Variants in ABHD1 observed in about 807,000 individuals in gnomAD.
ABHD1 encodes protein ABHD1.
ABHD1 carries 47 observed loss-of-function variants against 41.4 expected under a neutral mutation model. That is an observed-to-expected ratio of 1.13 (90% CI 0.90 to 1.45). The LOEUF is 1.45. Ranked by LOEUF, ABHD1 falls within the 40% of genes most tolerant of loss-of-function variation. ABHD1 has a pLI of 0.00. For missense variants in ABHD1, 550 were observed against 503.4 expected, an observed-to-expected ratio of 1.09 and a Z score of -0.89; for synonymous variants, 205 against 203.7, an observed-to-expected ratio of 1.01 and a Z score of -0.05.
intron 3 of ABHD1, 73 bp from the exon 4 acceptor site, chr2:27,129,243 G>T: frequency 1.2e-6 from 2 of 1,604,030 alleles, no homozygotes; most frequent in Non-Finnish European, 1.7e-6. Context: ...CTTTGGACAG[G>T]GGTCTTTCTG....
intron 1 of ABHD1, chr2:27,126,808 A>G (rs1671974288): frequency 6.6e-6 from 1 of 152,242 alleles, no homozygotes; most frequent in South Asian, 2.1e-4. Context: ...CCCGGTAGAA[A>G]GAAGCCCCTT....
At position 27,130,795 on chromosome 2, in the gene ABHD1, T is replaced by C. The variant is rs745623465; in HGVS notation, c.*51T>C. On this transcript the variant is annotated 3_prime_UTR_variant, in exon 9 of 9. Transcript: ENST00000316470. ...TCACTCTTTCCTTGTTTATTAAATA[T>C]CAACTTTTCCTGCCTAATGGGCTGA... is the stretch of plus-strand genomic sequence containing the variant. 9.5e-6 allele frequency: 15 copies of C among 1,582,744 alleles called. No homozygotes were observed. The highest frequency in any genetic ancestry group is 1.3e-5 in the Non-Finnish European group (15 of 1,153,762).
intron 1 of ABHD1, 157 bp downstream of exon 1, chr2:27,124,219 C>T (rs1420767422): frequency 1.4e-6 from 1 of 730,980 alleles, no homozygotes; most frequent in Non-Finnish European, 2.4e-6. Context: ...CTCTCTAGTG[C>T]CTCTGCATCC....
Position 27,123,889 on chromosome 2 carries a change from G to A in ABHD1, c.-60G>A. ...TGGCGGGCGGCGGGTGGGACCGCGA[G>A]TTACAGCCGGCCAACTGGGGCCAGC... is the stretch of plus-strand genomic sequence containing the variant. On this transcript the variant is annotated 5_prime_UTR_variant, in exon 1 of 9. Coordinates refer to ENST00000316470, the MANE Select transcript of ABHD1 (RefSeq NM_032604.4). The A allele has an allele frequency of 6.9e-7, 1 of 1,458,262 alleles. No individual in the cohort carries two copies. Among genetic ancestry groups the A allele is most frequent in the Admixed American group, 1.8e-5 (1 of 56,046 alleles). 90.3% of individuals were successfully genotyped at this position (1,458,262 alleles called of 1,614,324 possible). A position where few individuals can be genotyped will look rare whatever the true frequency, so the allele number is the denominator to read the frequency against.
chr2:27,130,240 A>G lies in ABHD1; in HGVS notation c.841-11A>G. 1 of 1,614,196 alleles carries G rather than the reference A, an allele frequency of 6.2e-7. No homozygotes were observed. Among genetic ancestry groups the G allele is most frequent in the Admixed American group, 1.7e-5 (1 of 60,016 alleles). On this transcript the variant is annotated splice_polypyrimidine_tract_variant and intron_variant, in intron 7 of 8. Transcript: ENST00000316470. ...TTATCATCTTAGCCTATCCTATGGT[A>G]AGACCTGCAGGCCCGTACAATCCGC...
chr2:27,128,108 G>A (rs554181985), intron 1 of ABHD1, among the ~76,000 whole-genome samples: 4 of 152,240 alleles, frequency 2.6e-5, no homozygotes, highest in Non-Finnish European at 4.4e-5. Flanking sequence ...ACCACTGAGC[G>A]TGGCTGTTTA....
chr2:27,130,015 G>C, intron 6 of ABHD1, 88 bp downstream of exon 6: 1 of 1,610,342 alleles, frequency 6.2e-7, no homozygotes, highest in Non-Finnish European at 8.5e-7. Context: ...AGTTCTCTCT[G>C]GGCTTCCTCA....
rs781386040 is a variant in ABHD1, at chr2:27,130,325, C to G, written c.915C>G (p.Tyr305Ter). 32 of 1,614,066 alleles carry G rather than the reference C, an allele frequency of 2.0e-5. No homozygotes were observed. The highest frequency in any genetic ancestry group is 1.6e-4 in the Middle Eastern group (1 of 6,084). ...AFGYQDCVTY[Y>*]KAASPRTKID... ...GATATCAAGACTGTGTTACCTACTACAAAGCAGCAAGCCCTAGAACCAAGA... is the reference window on the plus strand; with the variant it reads ...GATATCAAGACTGTGTTACCTACTAGAAAGCAGCAAGCCCTAGAACCAAGA... The change falls in exon 8 of 9, where the codon TAC becomes TAG. Residue 305 changes from tyrosine to a stop codon, truncating the protein, a stop_gained. Transcript: ENST00000316470. LOFTEE classifies it high-confidence loss of function.
At chr2:27,127,209 C>G (rs1035204699) in intron 1 of ABHD1, among the ~76,000 whole-genome samples, 4 of 134,798 alleles carry the variant, frequency 3.0e-5, no homozygotes, top group Admixed American at 2.3e-4. Flanking sequence ...CAGAGTCAGT[C>G]TTAGGAAGAA....
chr2:27,127,370 CA>C (rs2148410802), intron 1 of ABHD1, among the ~76,000 whole-genome samples: 1 of 144,752 alleles, frequency 6.9e-6, no homozygotes, highest in South Asian at 2.2e-4. Context: ...CTGGCTAACA[CA>C]GTGAAACCCC....
At chr2:27,128,767 G>A (rs191281881) in intron 2 of ABHD1, among the ~76,000 whole-genome samples, 166 bp downstream of exon 2, 3 of 152,312 alleles carry the variant, frequency 2.0e-5, no homozygotes, top group Admixed American at 6.5e-5. Context: ...CGGCCACCAG[G>A]TCATCTTTTA....
At chr2:27,129,987 C>A (rs922729542) in intron 6 of ABHD1, 60 bp downstream of exon 6, 2 of 1,610,442 alleles carry the variant, frequency 1.2e-6, no homozygotes, top group African/African-American at 1.3e-5. Flanking sequence ...ACACTCCAGG[C>A]TCTCCTAGTG....
intron 1 of ABHD1, among the ~76,000 whole-genome samples, chr2:27,128,053 A>G (rs1672045756): frequency 6.6e-6 from 1 of 152,004 alleles, no homozygotes; most frequent in Non-Finnish European, 1.5e-5. Flanking sequence ...GGCTCAAGTG[A>G]TCCTCCCACC....
At chr2:27,130,015 G>A (rs1196131744) in intron 6 of ABHD1, 88 bp downstream of exon 6, 3 of 1,610,224 alleles carry the variant, frequency 1.9e-6, no homozygotes, top group Non-Finnish European at 2.5e-6. Flanking sequence ...AGTTCTCTCT[G>A]GGCTTCCTCA....
chr2:27,129,618 T>A lies in ABHD1; in HGVS notation c.609T>A (p.Ser203=), dbSNP rs751440887. The change falls in exon 5 of 9, where the codon TCT becomes TCA. Residue 203 remains serine, a synonymous_variant. Coordinates refer to ENST00000316470, the MANE Select transcript of ABHD1 (RefSeq NM_032604.4). The part of the protein sequence containing the change: ...PQAPLLAVGI[S]FGGILVLNHL... ...CTCCACTGCTGGCCGTGGGCATCTC[T>A]TTTGGAGGGTAAAGATTGCCTGGGC... 6.2e-7 allele frequency: 1 copy of A among 1,612,524 alleles called. No homozygotes were observed. Among genetic ancestry groups the A allele is most frequent in the African/African-American group, 1.3e-5 (1 of 74,930 alleles).
chr2:27,124,624 G>T (rs907658087), intron 1 of ABHD1: 9 of 190,862 alleles, frequency 4.7e-5, no homozygotes, highest in African/African-American at 1.9e-4. Context: ...TGATTTTGAT[G>T]AATTTGGAGA....
chr2:27,128,431 G>C lies in ABHD1; in HGVS notation c.115-10G>C. On this transcript the variant is annotated splice_polypyrimidine_tract_variant and intron_variant, in intron 1 of 8. Transcript: ENST00000316470. Reference sequence around the variant, plus strand: ...TCAGGGAAGTGGGGCAGACTGCTGTGTGATTACAGAGGCCTCGGCTGGTGG... The same window carrying C: ...TCAGGGAAGTGGGGCAGACTGCTGTCTGATTACAGAGGCCTCGGCTGGTGG... The C allele has an allele frequency of 1.2e-6, 2 of 1,613,880 alleles. No individual in the cohort carries two copies. Among genetic ancestry groups the C allele is most frequent in the Non-Finnish European group, 1.7e-6 (2 of 1,180,020 alleles).
In ABHD1 at chr2:27,129,066, G is replaced by A. The variant is rs1672101060; in HGVS notation, c.397G>A (p.Gly133Ser). The A allele has an allele frequency of 6.2e-7, 1 of 1,613,918 alleles. No individual in the cohort carries two copies. The highest frequency in any genetic ancestry group is 1.1e-5 in the South Asian group (1 of 91,090). ...TGTGCTGCTGCTTCCTGGCATCACT[G>A]GCAGTAGCCAGGAGACATACGTCTT... ...PIVLLLPGIT[G>S]SSQETYVLHL... The change falls in exon 3 of 9, where the codon GGC (glycine) becomes AGC (serine). Residue 133 changes from glycine (G) to serine (S), a missense_variant. Coordinates refer to ENST00000316470, the MANE Select transcript of ABHD1 (RefSeq NM_032604.4).
In ABHD1 at chr2:27,129,627, G is replaced by A. The variant is rs752405594; in HGVS notation, c.617+1G>A. 2.5e-6 allele frequency: 4 copies of A among 1,612,246 alleles called. No individual in the cohort carries two copies. Among genetic ancestry groups the A allele is most frequent in the Non-Finnish European group, 2.5e-6 (3 of 1,179,964 alleles). On this transcript the variant is annotated splice_donor_variant, in intron 5 of 8. Transcript: ENST00000316470. LOFTEE classifies it high-confidence loss of function. Reference sequence around the variant, plus strand: ...TGGCCGTGGGCATCTCTTTTGGAGGGTAAAGATTGCCTGGGCTTAGCCCAG... The same window carrying A: ...TGGCCGTGGGCATCTCTTTTGGAGGATAAAGATTGCCTGGGCTTAGCCCAG...
Sources: allele counts gnomAD v4.1 joint callset (sites outside exome capture counted in the v4.1 genomes callset), GRCh38; gene constraint gnomAD v4.1.1; transcripts MANE v1.5; gene names NCBI Gene and HGNC (gene_info 2026-07-23, HGNC 2026-07-21).